Variants in NR6A1 observed in about 807,000 individuals in gnomAD.
The protein encoded by NR6A1 is nuclear receptor subfamily 6 group A member 1.
Under a neutral mutation model 59.1 loss-of-function variants are expected in NR6A1, and 7 were observed. The ratio of observed to expected loss-of-function variants is 0.12; its 90% CI spans 0.07 to 0.22. NR6A1 has a LOEUF of 0.22. NR6A1 is among the 10% of genes least tolerant of loss of function. The probability of loss-of-function intolerance (pLI) is 1.00; values close to 1 mark genes in which losing one functional copy is unlikely to be tolerated. For missense variants in NR6A1, 468 were observed against 611.6 expected, an observed-to-expected ratio of 0.77 and a Z score of 2.48; for synonymous variants, 243 against 236.1, an observed-to-expected ratio of 1.03 and a Z score of -0.27.
chr9:124,654,875 T>TACACAC (rs3983841), intron 2 of NR6A1, among the ~76,000 whole-genome samples: 15,854 of 123,726 alleles, frequency 0.13, 1,166 homozygotes, highest in Admixed American at 0.2. Flanking sequence ...TTTTTTTTTG[T>TACACAC]ACACACACAC....
chr9:124,645,598 A>G (rs1836908113), intron 2 of NR6A1, among the ~76,000 whole-genome samples: 1 of 152,192 alleles, frequency 6.6e-6, no homozygotes, highest in South Asian at 2.1e-4. Context: ...AGACATAACA[A>G]TCCTAATGTG....
chr9:124,536,186 A>T, intron 6 of NR6A1, 54 bp from the exon 7 acceptor site: 3 of 1,572,648 alleles, frequency 1.9e-6, no homozygotes, highest in Non-Finnish European at 2.6e-6. Flanking sequence ...GGTGAGGATA[A>T]GGGTACAGAG....
chr9:124,633,578 TA>T (rs1316443281), intron 2 of NR6A1, among the ~76,000 whole-genome samples: 5 of 152,108 alleles, frequency 3.3e-5, no homozygotes, highest in Non-Finnish European at 1.5e-5. Context: ...TGAATAAAGA[TA>T]AGCAGGGCCC....
intron 1 of NR6A1, among the ~76,000 whole-genome samples, chr9:124,763,910 G>A (rs1034430372): frequency 3.9e-5 from 6 of 152,270 alleles, no homozygotes; most frequent in African/African-American, 1.2e-4. Context: ...ACTGCCAGGC[G>A]CGGTGGCTCA....
chr9:124,572,176 T>C (rs1564184870), intron 2 of NR6A1, among the ~76,000 whole-genome samples: 2 of 152,206 alleles, frequency 1.3e-5, no homozygotes, highest in South Asian at 2.1e-4. Flanking sequence ...ACTGCCTCTG[T>C]GCAAAATTTA....
At chr9:124,697,081 C>T (rs1421883025) in intron 2 of NR6A1, among the ~76,000 whole-genome samples, 1 of 152,188 alleles carries the variant, frequency 6.6e-6, no homozygotes, top group Non-Finnish European at 1.5e-5. Flanking sequence ...CCAAACTTTC[C>T]TGACTAGATT....
At chr9:124,702,020 C>T (rs888464581) in intron 2 of NR6A1, among the ~76,000 whole-genome samples, 4 of 152,130 alleles carry the variant, frequency 2.6e-5, no homozygotes, top group African/African-American at 7.2e-5. Context: ...CCACCGCACC[C>T]GGCCTTTACC....
chr9:124,673,557 A>G lies in NR6A1; in HGVS notation c.142+59751T>C, dbSNP rs545237150. 3.5e-4 allele frequency among the ~76,000 whole-genome samples: 53 copies of G among 152,284 alleles called. 1 individual carries two copies. Among genetic ancestry groups the G allele is most frequent in the Admixed American group, 3.5e-3 (53 of 15,288 alleles). On this transcript the variant is annotated intron_variant, in intron 2 of 9. Transcript: ENST00000487099. ...AGCTACTTGGGAGGCTGAGGCAGAA[A>G]TAAATATCATAGATGCTTAAAAATG...
chr9:124,618,663 A>G (rs995775039), intron 2 of NR6A1, among the ~76,000 whole-genome samples: 5 of 152,148 alleles, frequency 3.3e-5, no homozygotes, highest in Admixed American at 6.5e-5. Context: ...GGGCCACTCG[A>G]TATTTCAGCT....
intron 2 of NR6A1, among the ~76,000 whole-genome samples, chr9:124,573,268 A>C (rs1345459140): frequency 6.6e-6 from 1 of 152,116 alleles, no homozygotes; most frequent in African/African-American, 2.4e-5. Context: ...CATGGGTAAA[A>C]TTTCAGTGCT....
Position 124,692,129 on chromosome 9 carries a change from T to C in NR6A1, c.142+41179A>G, listed in dbSNP as rs558589553. Among the ~76,000 whole-genome samples, 93 of 152,300 alleles carry C rather than the reference T, an allele frequency of 6.1e-4. 1 individual carries two copies. In the South Asian group the frequency reaches 0.018, roughly 30 times the overall value. The stretch of plus-strand genomic sequence containing the variant: ...ATGAGATAAAATATACAAATCCTAG[T>C]ATATAGCAGATCCCCAATATATGTT... On this transcript the variant is annotated intron_variant, in intron 2 of 9. Coordinates refer to ENST00000487099, the MANE Select transcript of NR6A1 (RefSeq NM_033334.4).
At chr9:124,727,346 G>A (rs1409400105) in intron 2 of NR6A1, among the ~76,000 whole-genome samples, 1 of 152,174 alleles carries the variant, frequency 6.6e-6, no homozygotes, top group African/African-American at 2.4e-5. Context: ...ATGTGATGAA[G>A]ACCACTGTGA....
chr9:124,744,808 T>TTAGA (rs770977515), intron 1 of NR6A1, among the ~76,000 whole-genome samples: 1 of 152,216 alleles, frequency 6.6e-6, no homozygotes, highest in Non-Finnish European at 1.5e-5. Flanking sequence ...CAAAGTCATT[T>TTAGA]CAGAAAGTGC....
intron 2 of NR6A1, among the ~76,000 whole-genome samples, chr9:124,596,322 C>T (rs1033223624): frequency 2.0e-5 from 3 of 151,502 alleles, no homozygotes; most frequent in Admixed American, 6.6e-5. Context: ...GTATGGGGGG[C>T]GTGCAGAAGT....
At chr9:124,680,057 C>G (rs529284605) in intron 2 of NR6A1, among the ~76,000 whole-genome samples, 1 of 151,500 alleles carries the variant, frequency 6.6e-6, no homozygotes, top group Admixed American at 6.6e-5. Flanking sequence ...ATTATACATA[C>G]AGTCAAATGT....
chr9:124,604,392 C>T (rs1835523213), intron 2 of NR6A1, among the ~76,000 whole-genome samples: 1 of 152,238 alleles, frequency 6.6e-6, no homozygotes, highest in Admixed American at 6.5e-5. Flanking sequence ...CCTTCCTCCT[C>T]TTTGACTATA....
chr9:124,594,996 CTT>C (rs2130807830), intron 2 of NR6A1, among the ~76,000 whole-genome samples: 1 of 152,342 alleles, frequency 6.6e-6, no homozygotes, highest in South Asian at 2.1e-4. Context: ...CTTGCAAACT[CTT>C]AGCTTGTACT....
At chr9:124,681,553 G>A (rs371756236) in intron 2 of NR6A1, among the ~76,000 whole-genome samples, 1 of 151,982 alleles carries the variant, frequency 6.6e-6, no homozygotes. Context: ...TGTTGGTCAG[G>A]CTGGTCTTGA....
chr9:124,554,027 T>C (rs1024199261), intron 3 of NR6A1, among the ~76,000 whole-genome samples: 1 of 152,208 alleles, frequency 6.6e-6, no homozygotes, highest in African/African-American at 2.4e-5. Context: ...TTTCTACTTC[T>C]GTCATCATTC....
Sources: gnomAD v4.1 joint callset for allele counts (sites outside exome capture counted in the v4.1 genomes callset) on GRCh38, gnomAD v4.1.1 for gene constraint, MANE v1.5 for transcripts, NCBI Gene and HGNC (gene_info 2026-07-23, HGNC 2026-07-21) for gene names.